DLGAP2: variants seen among roughly 807,000 people sequenced by gnomAD.
DLGAP2 encodes DLG associated protein 2.
In DLGAP2, 26 loss-of-function variants were observed where a neutral mutation model predicts 100.3. The ratio of observed to expected loss-of-function variants is 0.26; its 90% CI spans 0.19 to 0.36. The LOEUF (loss-of-function observed/expected upper bound fraction) is 0.36. DLGAP2 is among the 10% of genes least tolerant of loss of function. The pLI is 1.00. For synonymous variants in DLGAP2, 886 were observed against 630.1 expected (o/e 1.41, Z -6.08); for missense variants, 1,858 against 1,453.2 (o/e 1.28, Z -4.53).
In DLGAP2 at chr8:856,186, T is replaced by TTC. The variant is rs1554433990; in HGVS notation, c.19-51725_19-51724insCT. ...TAGTGGAAAAATCTTCTTCTTCTTC[T>TTC]TTTTTTTTTTTTTTTTTTTGAGATG... On this transcript the variant is annotated intron_variant, in intron 1 of 14. Coordinates refer to ENST00000637795, the MANE Select transcript of DLGAP2 (RefSeq NM_001346810.2). Among the ~76,000 whole-genome samples the TTC allele has an allele frequency of 8.1e-5, 10 of 123,260 alleles. No homozygotes were observed. The East Asian group carries it at 1.7e-3, about 21-fold the overall frequency. 80.9% of individuals were successfully genotyped at this position (123,260 alleles called of 152,430 possible). A position where few individuals can be genotyped will look rare whatever the true frequency, so the allele number is the denominator to read the frequency against.
intron 3 of DLGAP2, among the ~76,000 whole-genome samples, chr8:1,497,312 C>T (rs1799577519): frequency 6.6e-6 from 1 of 152,196 alleles, no homozygotes; most frequent in Admixed American, 6.5e-5. Context: ...GATGGGATAG[C>T]GTCCAGCCTC....
intron 2 of DLGAP2, among the ~76,000 whole-genome samples, chr8:1,013,429 G>A (rs1801354576): frequency 6.6e-6 from 1 of 152,184 alleles, no homozygotes; most frequent in African/African-American, 2.4e-5. Flanking sequence ...AAGATGGGAG[G>A]TGCTGCTGGA....
intron 2 of DLGAP2, among the ~76,000 whole-genome samples, chr8:989,353 T>A (rs945759747): frequency 1.3e-5 from 2 of 152,120 alleles, no homozygotes; most frequent in Non-Finnish European, 2.9e-5. Context: ...GTCTTCGGGT[T>A]TTTTATGCCT....
chr8:830,833 T>C (rs1796766912), intron 1 of DLGAP2, among the ~76,000 whole-genome samples: 2 of 152,310 alleles, frequency 1.3e-5, no homozygotes, highest in African/African-American at 4.8e-5. Flanking sequence ...TTTCTGACTT[T>C]GGTGCCTTAC....
chr8:1,261,050 C>G (rs528538816), intron 3 of DLGAP2, among the ~76,000 whole-genome samples: 6 of 152,354 alleles, frequency 3.9e-5, no homozygotes, highest in Admixed American at 1.3e-4. Flanking sequence ...CGTTCCTGCT[C>G]TAGAAGGCAG....
intron 3 of DLGAP2, among the ~76,000 whole-genome samples, chr8:1,324,008 A>G (rs1800965641): frequency 6.6e-6 from 1 of 152,206 alleles, no homozygotes; most frequent in Admixed American, 6.5e-5. Flanking sequence ...TCTTTACACC[A>G]GATTCATCTG....
intron 3 of DLGAP2, among the ~76,000 whole-genome samples, chr8:1,314,606 G>C (rs1197011045): frequency 6.6e-6 from 1 of 152,200 alleles, no homozygotes; most frequent in Non-Finnish European, 1.5e-5. Flanking sequence ...GTGTGCATTA[G>C]ATTGAGGGTC....
At chr8:1,683,546 A>G (rs1423344713) in intron 12 of DLGAP2, among the ~76,000 whole-genome samples, 1 of 151,132 alleles carries the variant, frequency 6.6e-6, no homozygotes, top group Admixed American at 6.6e-5. Context: ...GGCTCCTTCA[A>G]TGAAGTGGCC....
chr8:1,597,380 T>C (rs1259441164), intron 6 of DLGAP2, among the ~76,000 whole-genome samples: 3 of 12,274 alleles, frequency 2.4e-4, no homozygotes, highest in African/African-American at 5.7e-4. Context: ...TTTAAAGTAG[T>C]TTTTTTTTTC....
At chr8:1,120,165 C>CT (rs1284061282) in intron 2 of DLGAP2, among the ~76,000 whole-genome samples, 1 of 152,152 alleles carries the variant, frequency 6.6e-6, no homozygotes, top group Non-Finnish European at 1.5e-5. Flanking sequence ...GAGAGTTAGG[C>CT]TAAGGGTTCA....
At chr8:1,260,810 C>T (rs866537200) in intron 3 of DLGAP2, among the ~76,000 whole-genome samples, 6 of 152,306 alleles carry the variant, frequency 3.9e-5, no homozygotes, top group Middle Eastern at 6.8e-3. Context: ...TGACTTGAGG[C>T]GACTGTAGTC....
At chr8:858,504 CAT>C (rs1199382387) in intron 1 of DLGAP2, among the ~76,000 whole-genome samples, 30 of 151,876 alleles carry the variant, frequency 2.0e-4, no homozygotes, top group Admixed American at 1.9e-3. Context: ...ATCGTGGGCA[CAT>C]GTGTGGTGCT....
chr8:1,562,535 G>T lies in DLGAP2; in HGVS notation c.1231-3148G>T, dbSNP rs1159486562. On this transcript the variant is annotated intron_variant, in intron 5 of 14. Transcript: ENST00000637795. ...TTGGGGTGTCCGCGCCTCGTTACTG[G>T]GGGACTGTGTGGTGTTGGGTGTCCG... Among the ~76,000 whole-genome samples the T allele has an allele frequency of 3.8e-5, 2 of 52,878 alleles. 1 individual carries two copies. The highest frequency in any genetic ancestry group is 7.6e-5 in the Non-Finnish European group (2 of 26,430). The allele number at this position is 52,878 out of a possible 152,430, so 34.7% of individuals were successfully genotyped here.
Position 1,668,496 on chromosome 8 carries a change from C to T in DLGAP2, c.1978C>T (p.Leu660Phe). ...MSPWPQDSRG[L>F]YNSTDSLDSN... is the part of the protein sequence containing the mutation. ...CCCGTGGCCCCAGGACAGCCGCGGCCTCTACAACTCCACGGACAGCCTGGA... is the reference window on the plus strand; with the variant it reads ...CCCGTGGCCCCAGGACAGCCGCGGCTTCTACAACTCCACGGACAGCCTGGA... The change falls in exon 9 of 15, where the codon CTC becomes TTC. Residue 660 changes from leucine to phenylalanine, a missense_variant. Leu to Phe is a conservative substitution (Grantham distance 22). Transcript: ENST00000637795. 6.3e-7 allele frequency: 1 copy of T among 1,594,138 alleles called. No individual in the cohort carries two copies. The highest frequency in any genetic ancestry group is 8.5e-7 in the Non-Finnish European group (1 of 1,171,386).
chr8:1,115,379 A>T (rs927790442), intron 2 of DLGAP2, among the ~76,000 whole-genome samples: 5 of 152,152 alleles, frequency 3.3e-5, no homozygotes, highest in Admixed American at 2.6e-4. Context: ...CCTGTGTTGG[A>T]TGCATATATA....
intron 3 of DLGAP2, among the ~76,000 whole-genome samples, chr8:1,316,833 C>A (rs373514672): frequency 7.0e-6 from 1 of 142,478 alleles, no homozygotes; most frequent in Non-Finnish European, 1.5e-5. Flanking sequence ...AGAGCCTGTG[C>A]GAGTGCAGCG....
At chr8:1,236,300 G>T (rs1323413643) in intron 2 of DLGAP2, among the ~76,000 whole-genome samples, 2 of 50,168 alleles carry the variant, frequency 4.0e-5, no homozygotes, top group Admixed American at 2.1e-4. Context: ...GCCGTGTCTA[G>T]TTCTCTCACA....
At chr8:1,284,736 C>T (rs117180673) in intron 3 of DLGAP2, among the ~76,000 whole-genome samples, 6 of 152,188 alleles carry the variant, frequency 3.9e-5, no homozygotes, top group Non-Finnish European at 7.3e-5. Flanking sequence ...CTCAGCCTCC[C>T]GAGTAGCTGG....
At chr8:1,033,567 C>T (rs909086862) in intron 2 of DLGAP2, among the ~76,000 whole-genome samples, 1 of 152,142 alleles carries the variant, frequency 6.6e-6, no homozygotes, top group Non-Finnish European at 1.5e-5. Context: ...ACTAGGGGGG[C>T]CAAGGCAGGA....
Sources: gnomAD v4.1 joint callset for allele counts (sites outside exome capture counted in the v4.1 genomes callset) on GRCh38, gnomAD v4.1.1 for gene constraint, MANE v1.5 for transcripts, NCBI Gene and HGNC (gene_info 2026-07-23, HGNC 2026-07-21) for gene names.